Variants in LNP1 observed in about 807,000 individuals in gnomAD.
LNP1 encodes leukemia NUP98 fusion partner 1.
A neutral mutation model predicts 14.5 loss-of-function variants in LNP1; 12 were observed. The ratio of observed to expected loss-of-function variants is 0.83; its 90% CI spans 0.53 to 1.34. The LOEUF (loss-of-function observed/expected upper bound fraction) is 1.34, where lower values mean the gene tolerates loss of function less well. Ranked by LOEUF, LNP1 falls within the 40% of genes most tolerant of loss-of-function variation. The pLI is 0.00. For synonymous variants in LNP1, 75 were observed against 71.4 expected, an observed-to-expected ratio of 1.05 and a Z score of -0.26; for missense variants, 198 against 210.9, an observed-to-expected ratio of 0.94 and a Z score of 0.38.
At chr3:100,407,206 T>G (rs552608048) in intron 1 of LNP1, among the ~76,000 whole-genome samples, 2 of 152,344 alleles carry the variant, frequency 1.3e-5, no homozygotes, top group East Asian at 3.9e-4. Flanking sequence ...TTTCAGATGT[T>G]TCTGTGTTTA....
At chr3:100,404,965 TG>T (rs1192491092) in intron 1 of LNP1, among the ~76,000 whole-genome samples, 1 of 152,050 alleles carries the variant, frequency 6.6e-6, no homozygotes, top group Admixed American at 6.5e-5. Flanking sequence ...GATAATTTTT[TG>T]TATTTTTAGT....
chr3:100,418,143 T>C (rs1357022644), intron 1 of LNP1, among the ~76,000 whole-genome samples: 1 of 148,562 alleles, frequency 6.7e-6, no homozygotes, highest in African/African-American at 2.5e-5. Context: ...CAATGCAACC[T>C]CTGCCTCCTG....
At chr3:100,414,613 C>G (rs1707063728) in intron 1 of LNP1, among the ~76,000 whole-genome samples, 1 of 152,038 alleles carries the variant, frequency 6.6e-6, no homozygotes, top group South Asian at 2.1e-4. Context: ...TCAAGAGAGC[C>G]CCTCAGAGAG....
intron 1 of LNP1, among the ~76,000 whole-genome samples, chr3:100,405,127 C>T (rs571140344): frequency 9.2e-5 from 14 of 152,232 alleles, no homozygotes; most frequent in African/African-American, 3.4e-4. Flanking sequence ...ACCACTATTA[C>T]CTTAGCAGTT....
intron 3 of LNP1, among the ~76,000 whole-genome samples, chr3:100,452,206 T>C (rs201520187): frequency 9.9e-4 from 147 of 148,922 alleles, no homozygotes; most frequent in East Asian, 3.7e-3. Context: ...TTCTTTCTTT[T>C]TTTTTTTTTT....
intron 1 of LNP1, among the ~76,000 whole-genome samples, chr3:100,417,126 A>G (rs1474661802): frequency 1.3e-5 from 2 of 152,062 alleles, no homozygotes; most frequent in African/African-American, 2.4e-5. Context: ...TCTTAAGTTC[A>G]TATATTTTCC....
chr3:100,415,474 AT>A (rs1242451293), intron 1 of LNP1, among the ~76,000 whole-genome samples: 1 of 152,248 alleles, frequency 6.6e-6, no homozygotes, highest in Admixed American at 6.5e-5. Flanking sequence ...CAGTTTTTAA[AT>A]CCAGCAGTAC....
intron 1 of LNP1, among the ~76,000 whole-genome samples, chr3:100,417,364 C>CTTTTT (rs1228887073): frequency 2.4e-5 from 2 of 83,174 alleles, no homozygotes; most frequent in Admixed American, 1.4e-4. Context: ...TTCTTTCTTT[C>CTTTTT]TTTTTTCTTT....
chr3:100,448,633 A>ATT (rs1707409482), intron 2 of LNP1, among the ~76,000 whole-genome samples: 1 of 152,222 alleles, frequency 6.6e-6, no homozygotes, highest in African/African-American at 2.4e-5. Flanking sequence ...TTTTAAAGTT[A>ATT]GCTTACTTAT....
At chr3:100,437,503 T>G (rs1368424438) in intron 2 of LNP1, among the ~76,000 whole-genome samples, 1 of 152,210 alleles carries the variant, frequency 6.6e-6, no homozygotes, top group African/African-American at 2.4e-5. Flanking sequence ...TTTAAAACAT[T>G]GTTTGGCTTC....
chr3:100,445,238 T>C (rs1434121176), intron 2 of LNP1, among the ~76,000 whole-genome samples: 2 of 152,258 alleles, frequency 1.3e-5, no homozygotes, highest in African/African-American at 4.8e-5. Context: ...ACCACTGCAC[T>C]CCAGCCTGGT....
At chr3:100,430,349 T>G (rs1277210341) in intron 2 of LNP1, among the ~76,000 whole-genome samples, 3 of 152,246 alleles carry the variant, frequency 2.0e-5, no homozygotes, top group Non-Finnish European at 4.4e-5. Flanking sequence ...ATACTTGTTT[T>G]TCTTCCAGGG....
chr3:100,433,916 G>A (rs1436193171), intron 2 of LNP1, among the ~76,000 whole-genome samples: 2 of 152,058 alleles, frequency 1.3e-5, no homozygotes, highest in Non-Finnish European at 2.9e-5. Context: ...GGGTTTGTTT[G>A]TTTGTTTCTT....
chr3:100,448,994 C>G (rs935142501), intron 2 of LNP1, among the ~76,000 whole-genome samples: 1 of 152,130 alleles, frequency 6.6e-6, no homozygotes, highest in African/African-American at 2.4e-5. Flanking sequence ...AGTAGCAAAA[C>G]TTACATTATC....
intron 1 of LNP1, among the ~76,000 whole-genome samples, chr3:100,425,302 T>A (rs1021343531): frequency 1.3e-5 from 2 of 152,226 alleles, no homozygotes; most frequent in East Asian, 3.8e-4. Context: ...GTTCTTTGTT[T>A]TAGAAGGACT....
chr3:100,445,884 A>G (rs959768710), intron 2 of LNP1, among the ~76,000 whole-genome samples: 3 of 152,188 alleles, frequency 2.0e-5, no homozygotes, highest in African/African-American at 7.2e-5. Context: ...TAGGAATCCA[A>G]CTTACAAGGG....
intron 1 of LNP1, among the ~76,000 whole-genome samples, chr3:100,419,008 C>T (rs1361162621): frequency 6.6e-6 from 1 of 152,140 alleles, no homozygotes; most frequent in Non-Finnish European, 1.5e-5. Context: ...TCTTCTTCCT[C>T]CTGCATGGAC....
At chr3:100,442,124 T>C (rs1707349386) in intron 2 of LNP1, among the ~76,000 whole-genome samples, 1 of 152,192 alleles carries the variant, frequency 6.6e-6, no homozygotes, top group Non-Finnish European at 1.5e-5. Flanking sequence ...TAAAAATCAT[T>C]TTGGAGTTTA....
chr3:100,414,828 G>T (rs936370830), intron 1 of LNP1, among the ~76,000 whole-genome samples: 1 of 152,162 alleles, frequency 6.6e-6, no homozygotes, highest in African/African-American at 2.4e-5. Context: ...CAAATACCTT[G>T]ATTTCAGTCT....
Sources: allele counts gnomAD v4.1 joint callset (sites outside exome capture counted in the v4.1 genomes callset), GRCh38; gene constraint gnomAD v4.1.1; transcripts MANE v1.5; gene names NCBI Gene and HGNC (gene_info 2026-07-23, HGNC 2026-07-21).